The following SF1 variants were observed in gnomAD, a reference collection of about 807,000 sequenced individuals.
SF1 encodes the protein branch point-binding protein.
A neutral mutation model predicts 62.5 loss-of-function variants in SF1; 7 were observed. The observed-to-expected ratio is 0.11, with a 90% CI of 0.06 to 0.21. The LOEUF is 0.21. SF1 is among the 10% of genes least tolerant of loss of function. The probability of loss-of-function intolerance (pLI) is 1.00; values close to 1 mark genes in which losing one functional copy is unlikely to be tolerated. For missense variants in SF1, 578 were observed against 884.0 expected, an observed-to-expected ratio of 0.65 and a Z score of 4.39; for synonymous variants, 394 against 323.6, an observed-to-expected ratio of 1.22 and a Z score of -2.33.
At chr11:64,777,776 T>TTCCCCCC in intron 1 of SF1, 5 of 960,714 alleles carry the variant, frequency 5.2e-6, no homozygotes, top group Middle Eastern at 5.4e-4. Flanking sequence ...ACAGAGCGCC[T>TTCCCCCC]CCCGCCCGCC....
intron 3 of SF1, chr11:64,771,325 A>T: frequency 2.2e-6 from 1 of 450,520 alleles, no homozygotes; most frequent in Non-Finnish European, 2.9e-6. Context: ...TTACACTCCT[A>T]GAATTTTGAG....
Position 64,765,399 on chromosome 11 carries a change from T to G in SF1, c.*419A>C. The stretch of plus-strand genomic sequence containing the variant: ...GTCCACAAAAATAACTCAGGCTGCT[T>G]TGCCGAACCATCCTGTCCACCAGGG... On this transcript the variant is annotated 3_prime_UTR_variant, in exon 13 of 13. Coordinates refer to ENST00000377390, the MANE Select transcript of SF1 (RefSeq NM_004630.4). 1 of 1,321,056 alleles carries G rather than the reference T, an allele frequency of 7.6e-7. No individual in the cohort carries two copies. Among genetic ancestry groups the G allele is most frequent in the Non-Finnish European group, 1.1e-6 (1 of 917,732 alleles). 81.8% of individuals were successfully genotyped at this position (1,321,056 alleles called of 1,614,324 possible). A position where few individuals can be genotyped will look rare whatever the true frequency, so the allele number is the denominator to read the frequency against.
chr11:64,778,355 A>T lies in SF1; in HGVS notation c.31+7T>A. 4 of 1,225,238 alleles carry T rather than the reference A, an allele frequency of 3.3e-6. No homozygotes were observed. In the Admixed American group the frequency reaches 1.3e-4, roughly 39 times the overall value. The allele number at this position is 1,225,238 out of a possible 1,614,324, so 75.9% of individuals were successfully genotyped here. ...GAGCGGGGGCAGCCCGGGGGGGCCC[A>T]GCTTACCCAACGGCGTGGCGTTCGC... On this transcript the variant is annotated splice_region_variant and intron_variant, in intron 1 of 12. Transcript: ENST00000377390.
At position 64,765,965 on chromosome 11, in the gene SF1, A is replaced by C; in HGVS notation, c.1773T>G (p.Gly591=). ...APPPPPPPPP[G]SAGMMYAPPP... ...GCGGGGCATACATCATGCCGGCGGA[A>C]CCAGGCGGTGGAGGCGGCGGAGGGG... The change falls in exon 13 of 13, where the codon GGT becomes GGG. Residue 591 remains glycine, a synonymous_variant. Coordinates refer to ENST00000377390, the MANE Select transcript of SF1 (RefSeq NM_004630.4). The C allele has an allele frequency of 1.4e-6, 2 of 1,430,600 alleles. No homozygotes were observed. The highest frequency in any genetic ancestry group is 1.6e-5 in the African/African-American group (1 of 64,144). 88.6% of individuals were successfully genotyped at this position (1,430,600 alleles called of 1,614,324 possible).
At chr11:64,766,442 C>G (rs1311156140) in intron 12 of SF1, 1 of 506,104 alleles carries the variant, frequency 2.0e-6, no homozygotes, top group Admixed American at 3.8e-5. Context: ...TGATGTCCCT[C>G]CGCCCAGCCG....
At chr11:64,776,949 A>G (rs1215846169) in intron 1 of SF1, among the ~76,000 whole-genome samples, 1 of 152,224 alleles carries the variant, frequency 6.6e-6, no homozygotes, top group Non-Finnish European at 1.5e-5. Flanking sequence ...ATCAACCATG[A>G]GTGCTCTGAA....
chr11:64,772,532 T>C (rs1350963663), intron 3 of SF1: 3 of 985,284 alleles, frequency 3.0e-6, no homozygotes, highest in Non-Finnish European at 3.6e-6. Context: ...CCTGATTTAA[T>C]AAGCTATTAA....
chr11:64,778,235 A>C, intron 1 of SF1, 127 bp downstream of exon 1: 1 of 1,189,882 alleles, frequency 8.4e-7, no homozygotes, highest in Non-Finnish European at 1.0e-6. Flanking sequence ...CATCGAGCCC[A>C]CGGGCGGGGG....
At chr11:64,768,321 G>GGAAA in intron 8 of SF1, 35 bp from the exon 9 acceptor site, 4 of 1,591,128 alleles carry the variant, frequency 2.5e-6, no homozygotes, top group Non-Finnish European at 3.4e-6. Flanking sequence ...CAGAGAAAGG[G>GGAAA]GAAAAACTTG....
In SF1 at chr11:64,778,347, G is replaced by C. The variant is rs1427325597; in HGVS notation, c.31+15C>G. On this transcript the variant is annotated intron_variant, in intron 1 of 12. Transcript: ENST00000377390. ...GGCCCGGGGAGCGGGGGCAGCCCGG[G>C]GGGGCCCAGCTTACCCAACGGCGTG... 28 of 1,226,908 alleles carry C rather than the reference G, an allele frequency of 2.3e-5. No homozygotes were observed. The highest frequency in any genetic ancestry group is 2.8e-5 in the Non-Finnish European group (28 of 984,098). 76.0% of individuals were successfully genotyped at this position (1,226,908 alleles called of 1,614,324 possible).
chr11:64,771,832 T>C, intron 3 of SF1: 1 of 985,410 alleles, frequency 1.0e-6, no homozygotes, highest in Non-Finnish European at 1.2e-6. Flanking sequence ...ATTATCTTAA[T>C]TAAGAAAACC....
chr11:64,766,614 GCTCA>G, intron 12 of SF1: 1 of 417,160 alleles, frequency 2.4e-6, no homozygotes, highest in Non-Finnish European at 4.3e-6. Flanking sequence ...CCAGCCAGCC[GCTCA>G]CTCAGCCTGC....
At position 64,778,201 on chromosome 11, in the gene SF1, G is replaced by A. The variant is rs970893018; in HGVS notation, c.31+161C>T. ...GAGGCGGCGGAGGCAGCGCCGCGAA[G>A]GGGAAGGCCGCGGTCAGGGCCCCCA... is the stretch of plus-strand genomic sequence containing the variant. On this transcript the variant is annotated intron_variant, in intron 1 of 12. Coordinates refer to ENST00000377390, the MANE Select transcript of SF1 (RefSeq NM_004630.4). 60 of 1,096,110 alleles carry A rather than the reference G, an allele frequency of 5.5e-5. No individual in the cohort carries two copies. In the African/African-American group the frequency reaches 6.6e-4, roughly 12 times the overall value. 67.9% of individuals were successfully genotyped at this position (1,096,110 alleles called of 1,614,324 possible).
chr11:64,770,094 A>T (rs754810937), intron 4 of SF1, 41 bp from the exon 5 acceptor site: 1 of 1,585,580 alleles, frequency 6.3e-7, no homozygotes, highest in African/African-American at 1.3e-5. Context: ...TTTCTGGAGA[A>T]TGACACAGCC....
chr11:64,765,282 G>A lies in SF1; in HGVS notation c.*536C>T, dbSNP rs2058562374. 6.6e-6 allele frequency: 4 copies of A among 602,090 alleles called. 1 individual carries two copies. The highest frequency in any genetic ancestry group is 6.6e-5 in the South Asian group (3 of 45,714). 37.3% of individuals were successfully genotyped at this position (602,090 alleles called of 1,614,324 possible). On this transcript the variant is annotated 3_prime_UTR_variant, in exon 13 of 13. Transcript: ENST00000377390. ...CGGGGAGAGCATCTCCTTGGACGGA[G>A]TCTGAAGAAAGGAAAAGATAAAGAA... is the stretch of plus-strand genomic sequence containing the variant.
At chr11:64,777,606 G>A (rs767739723) in intron 1 of SF1, 107 of 985,360 alleles carry the variant, frequency 1.1e-4, no homozygotes, top group Non-Finnish European at 1.2e-4. Flanking sequence ...CACGTCATCA[G>A]GTGAGGCTTT....
chr11:64,773,152 T>G (rs1938591701), intron 3 of SF1: 6 of 1,254,738 alleles, frequency 4.8e-6, no homozygotes, highest in Middle Eastern at 3.2e-4. Context: ...CCCCTAAGGG[T>G]GGGTAAATCA....
intron 1 of SF1, chr11:64,777,417 TA>T (rs1056586111): frequency 7.8e-3 from 5,129 of 653,472 alleles, no homozygotes; most frequent in Non-Finnish European, 8.8e-3. Context: ...TGAACAGATT[TA>T]AAAAAAAAAA....
At chr11:64,777,887 C>T (rs1939610595) in intron 1 of SF1, 1 of 935,284 alleles carries the variant, frequency 1.1e-6, no homozygotes, top group Non-Finnish European at 1.3e-6. Context: ...CGCGCACGCG[C>T]GCCCCTGCCG....
Sources: gnomAD v4.1 joint callset for allele counts (sites outside exome capture counted in the v4.1 genomes callset) on GRCh38, gnomAD v4.1.1 for gene constraint, MANE v1.5 for transcripts, NCBI Gene and HGNC (gene_info 2026-07-23, HGNC 2026-07-21) for gene names.